The following ITPR2 variants were observed in gnomAD, a reference collection of about 807,000 sequenced individuals.
ITPR2 encodes inositol 1,4,5-trisphosphate receptor type 2.
A neutral mutation model predicts 317.1 loss-of-function variants in ITPR2; 207 were observed. The ratio of observed to expected loss-of-function variants is 0.65; its 90% CI spans 0.58 to 0.73. ITPR2 has a LOEUF of 0.73. Ranked by LOEUF, ITPR2 falls within the 30% of genes least tolerant of loss-of-function variation. ITPR2 has a pLI of 0.00. For synonymous variants in ITPR2, 1,156 were observed against 1,149.1 expected, an observed-to-expected ratio of 1.01 and a Z score of -0.12; for missense variants, 2,613 against 3,284.0, an observed-to-expected ratio of 0.80 and a Z score of 4.99.
intron 1 of ITPR2, among the ~76,000 whole-genome samples, chr12:26,832,288 G>C (rs1014635027): frequency 1.3e-5 from 2 of 152,242 alleles, no homozygotes; most frequent in African/African-American, 4.8e-5. Flanking sequence ...GGCACTGAGA[G>C]ACCAGGGGCT....
intron 55 of ITPR2, among the ~76,000 whole-genome samples, chr12:26,363,882 C>A (rs553064488): frequency 6.6e-6 from 1 of 152,122 alleles, no homozygotes; most frequent in Non-Finnish European, 1.5e-5. Context: ...TATAATGACA[C>A]CTTTATGTAT....
At chr12:26,636,762 G>A (rs1000892113) in intron 21 of ITPR2, among the ~76,000 whole-genome samples, 2 of 152,104 alleles carry the variant, frequency 1.3e-5, no homozygotes, top group Non-Finnish European at 2.9e-5. Flanking sequence ...TGTGTACCTT[G>A]CTAGACCACA....
chr12:26,785,032 G>A lies in ITPR2; in HGVS notation c.163+5125C>T, dbSNP rs1182291780. ...AGGTGAGGAGCGTCTCTGCCCGGCC[G>A]CCCCGTCTGAGAAGTGAGGAAACCC... On this transcript the variant is annotated intron_variant, in intron 2 of 56. Coordinates refer to ENST00000381340, the MANE Select transcript of ITPR2 (RefSeq NM_002223.4). Among the ~76,000 whole-genome samples, 146 of 25,952 alleles carry A rather than the reference G, an allele frequency of 5.6e-3. 4 individuals are homozygous for A. The highest frequency in any genetic ancestry group is 0.013 in the African/African-American group (138 of 11,030). The allele number at this position is 25,952 out of a possible 152,430, so 17.0% of individuals were successfully genotyped here. A position where few individuals can be genotyped will look rare whatever the true frequency, so the allele number is the denominator to read the frequency against.
intron 45 of ITPR2, among the ~76,000 whole-genome samples, chr12:26,451,609 A>G (rs1341004760): frequency 6.6e-6 from 1 of 152,202 alleles, no homozygotes; most frequent in African/African-American, 2.4e-5. Context: ...ATGGTAGCCA[A>G]ACTAAGACAA....
Position 26,510,292 on chromosome 12 carries a change from C to T in ITPR2, c.5074-15032G>A, listed in dbSNP as rs1454443095. On this transcript the variant is annotated intron_variant, in intron 37 of 56. Coordinates refer to ENST00000381340, the MANE Select transcript of ITPR2 (RefSeq NM_002223.4). The stretch of plus-strand genomic sequence containing the variant: ...GGCTACTCCACCCACCATCCTTTTA[C>T]TCCTTCTCATAAAATAAGACTACAC... 3.9e-5 allele frequency among the ~76,000 whole-genome samples: 6 copies of T among 152,292 alleles called. No homozygotes were observed. The East Asian group carries it at 1.2e-3, about 29-fold the overall frequency.
intron 43 of ITPR2, 120 bp from the exon 44 acceptor site, chr12:26,477,127 G>A: frequency 1.7e-6 from 1 of 579,042 alleles, no homozygotes; most frequent in Non-Finnish European, 3.0e-6. Flanking sequence ...ATTTAAAACT[G>A]CTAATTTCAT....
intron 34 of ITPR2, among the ~76,000 whole-genome samples, chr12:26,576,507 C>T (rs1945280543): frequency 2.0e-5 from 3 of 152,140 alleles, no homozygotes; most frequent in Admixed American, 1.3e-4. Context: ...TTAGGAGGAG[C>T]GCAGCGCAGT....
chr12:26,457,392 G>A (rs1196327012), intron 45 of ITPR2, among the ~76,000 whole-genome samples: 1 of 152,156 alleles, frequency 6.6e-6, no homozygotes, highest in Non-Finnish European at 1.5e-5. Context: ...AAGAAGGCCA[G>A]GTCATATTGG....
At chr12:26,515,277 A>C (rs1386309474) in intron 37 of ITPR2, among the ~76,000 whole-genome samples, 1 of 152,238 alleles carries the variant, frequency 6.6e-6, no homozygotes, top group South Asian at 2.1e-4. Flanking sequence ...TTTAAAATAA[A>C]TGAAAGGCAA....
chr12:26,670,564 A>G (rs1246919184), intron 13 of ITPR2, among the ~76,000 whole-genome samples: 3 of 152,194 alleles, frequency 2.0e-5, no homozygotes, highest in African/African-American at 7.2e-5. Context: ...CACCATCATC[A>G]AAGACCAAAA....
chr12:26,675,656 C>T (rs1471493810), intron 13 of ITPR2, among the ~76,000 whole-genome samples: 1 of 151,956 alleles, frequency 6.6e-6, no homozygotes, highest in Non-Finnish European at 1.5e-5. Context: ...TGTAACTAAC[C>T]TGCACATTGT....
chr12:26,521,684 G>A (rs1030702635), intron 37 of ITPR2, among the ~76,000 whole-genome samples: 12 of 152,058 alleles, frequency 7.9e-5, no homozygotes, highest in Non-Finnish European at 8.8e-5. Flanking sequence ...AGATGCTCAG[G>A]GAGTCCCATC....
intron 46 of ITPR2, among the ~76,000 whole-genome samples, chr12:26,439,836 T>G (rs1457230171): frequency 6.6e-6 from 1 of 152,184 alleles, no homozygotes; most frequent in Non-Finnish European, 1.5e-5. Context: ...GTAAAACATA[T>G]TTTTGTAGCT....
At chr12:26,523,317 T>C (rs574871454) in intron 37 of ITPR2, among the ~76,000 whole-genome samples, 2 of 152,334 alleles carry the variant, frequency 1.3e-5, no homozygotes, top group Admixed American at 1.3e-4. Context: ...AAAAATTAAT[T>C]TGTTCAACAT....
intron 28 of ITPR2, 37 bp downstream of exon 28, chr12:26,602,333 A>C (rs1946020103): frequency 6.4e-7 from 1 of 1,567,178 alleles, no homozygotes; most frequent in South Asian, 1.2e-5. Context: ...TTGTATCAAA[A>C]TAAAAAGCTA....
intron 21 of ITPR2, among the ~76,000 whole-genome samples, chr12:26,637,926 A>G (rs1320735345): frequency 6.6e-6 from 1 of 152,214 alleles, no homozygotes; most frequent in Non-Finnish European, 1.5e-5. Context: ...ACACCACTGA[A>G]TACAGTGTAT....
intron 26 of ITPR2, 37 bp downstream of exon 26, chr12:26,621,086 T>C: frequency 6.4e-7 from 1 of 1,559,326 alleles, no homozygotes. Context: ...TTAAAAGACA[T>C]CATTGGGAGT....
At chr12:26,513,949 C>T (rs1198655008) in intron 37 of ITPR2, among the ~76,000 whole-genome samples, 3 of 36,014 alleles carry the variant, frequency 8.3e-5, no homozygotes, top group South Asian at 1.6e-3. Flanking sequence ...GTCATTTGTC[C>T]GTTTGTCCCA....
chr12:26,497,541 G>GT (rs58110751), intron 37 of ITPR2, among the ~76,000 whole-genome samples: 151,979 of 151,980 alleles, frequency 1, 75,989 homozygotes, highest in Middle Eastern at 1. Flanking sequence ...ACCCTCAAGA[G>GT]TTACAATGAG....
Sources: gnomAD v4.1 joint callset for allele counts (sites outside exome capture counted in the v4.1 genomes callset) on GRCh38, gnomAD v4.1.1 for gene constraint, MANE v1.5 for transcripts, NCBI Gene and HGNC (gene_info 2026-07-23, HGNC 2026-07-21) for gene names.